MYO16: variants seen among roughly 807,000 people sequenced by gnomAD.
MYO16 encodes myosin XVI, also known as unconventional myosin-XVI.
MYO16 carries 94 observed loss-of-function variants against 205.3 expected under a neutral mutation model. That is an observed-to-expected ratio of 0.46 (90% CI 0.39 to 0.54). The LOEUF (loss-of-function observed/expected upper bound fraction) is 0.54, where lower values mean the gene tolerates loss of function less well. Among genes scored for constraint, MYO16 ranks in the 20% least tolerant of loss-of-function variants. The pLI is 0.00. For synonymous variants in MYO16, 988 were observed against 954.0 expected, an observed-to-expected ratio of 1.04 and a Z score of -0.66; for missense variants, 2,315 against 2,387.5, an observed-to-expected ratio of 0.97 and a Z score of 0.63.
intron 16 of MYO16, among the ~76,000 whole-genome samples, chr13:108,942,554 A>T (rs1314371279): frequency 1.3e-5 from 2 of 152,236 alleles, no homozygotes; most frequent in Non-Finnish European, 2.9e-5. Context: ...ATTAATAATT[A>T]AATGATCATT....
chr13:109,126,699 G>C (rs917559895), intron 30 of MYO16, among the ~76,000 whole-genome samples: 1 of 152,208 alleles, frequency 6.6e-6, no homozygotes, highest in African/African-American at 2.4e-5. Context: ...TGGAGTCAAG[G>C]AGGAGAAATA....
At chr13:109,037,988 T>C (rs1313091214) in intron 23 of MYO16, among the ~76,000 whole-genome samples, 1 of 151,170 alleles carries the variant, frequency 6.6e-6, no homozygotes, top group East Asian at 1.9e-4. Flanking sequence ...AATCTGTGAG[T>C]AGGGTAGAGG....
intron 29 of MYO16, among the ~76,000 whole-genome samples, chr13:109,121,486 C>G (rs1266551133): frequency 6.6e-6 from 1 of 152,224 alleles, no homozygotes; most frequent in Admixed American, 6.5e-5. Flanking sequence ...GCAACATCCT[C>G]CTTTGGCCGG....
intron 4 of MYO16, among the ~76,000 whole-genome samples, chr13:108,754,307 G>A (rs12161860): frequency 0.033 from 5,026 of 152,222 alleles, 246 homozygotes; most frequent in East Asian, 0.24. Context: ...TAGCATGCAG[G>A]ACAAGCTGTA....
At chr13:109,113,109 T>G (rs1875488823) in intron 28 of MYO16, among the ~76,000 whole-genome samples, 1 of 152,220 alleles carries the variant, frequency 6.6e-6, no homozygotes, top group Non-Finnish European at 1.5e-5. Flanking sequence ...ATTCCCACTT[T>G]GGATCAGAAA....
At position 109,125,752 on chromosome 13, in the gene MYO16, C is replaced by T. The variant is rs191787443; in HGVS notation, c.3782+394C>T. 6.1e-4 allele frequency among the ~76,000 whole-genome samples: 93 copies of T among 152,214 alleles called. No individual in the cohort carries two copies. The highest frequency in any genetic ancestry group is 2.1e-3 in the African/African-American group (87 of 41,530). ...CTTATAGAAACTTCTGGAAATCTGA[C>T]CCAAAAAATGGAGATACCACTCTGA... On this transcript the variant is annotated intron_variant, in intron 30 of 34. Coordinates refer to ENST00000457511, the MANE Select transcript of MYO16 (RefSeq NM_001198950.3). This position sits in a 1 kb window ranked among gnomAD's most constrained non-coding sequence, Gnocchi z 4.0.
intron 12 of MYO16, among the ~76,000 whole-genome samples, chr13:108,867,879 A>G (rs1233864503): frequency 1.3e-5 from 2 of 152,168 alleles, no homozygotes; most frequent in African/African-American, 4.8e-5. Context: ...TCCGCTTTGC[A>G]TGGTTGAACT....
chr13:108,691,246 C>G (rs1475002888), intron 2 of MYO16, among the ~76,000 whole-genome samples: 1 of 152,036 alleles, frequency 6.6e-6, no homozygotes, highest in Non-Finnish European at 1.5e-5. Flanking sequence ...GGTGCCACTT[C>G]ATTTACTTCA....
chr13:108,814,584 G>GCTTCTCTTT (rs1887392246), intron 7 of MYO16, among the ~76,000 whole-genome samples: 1 of 152,096 alleles, frequency 6.6e-6, no homozygotes, highest in Non-Finnish European at 1.5e-5. Context: ...TTTAAAGATA[G>GCTTCTCTTT]CTTCTCTTTC....
chr13:108,972,249 C>CTCTCTCTCTCTCTCTGTATA (rs1178345437), intron 20 of MYO16, among the ~76,000 whole-genome samples: 1 of 2,850 alleles, frequency 3.5e-4, no homozygotes, highest in Admixed American at 8.9e-3. Context: ...CTCTCTCTCT[C>CTCTCTCTCTCTCTCTGTATA]TATATATATA....
chr13:109,002,774 CTGAT>C (rs1253653696), intron 21 of MYO16, among the ~76,000 whole-genome samples: 1 of 152,194 alleles, frequency 6.6e-6, no homozygotes, highest in Non-Finnish European at 1.5e-5. Flanking sequence ...CTATCTTTCT[CTGAT>C]TGTGTTGAAC....
In MYO16 at chr13:109,101,102, G is replaced by A. The variant is rs577010501; in HGVS notation, c.3438+215G>A. ...GCCAACATGAGAGGAAATCTAACAGGCTCCCTTTACAACATGACAGAAGCT... is the reference window on the plus strand; with the variant it reads ...GCCAACATGAGAGGAAATCTAACAGACTCCCTTTACAACATGACAGAAGCT... On this transcript the variant is annotated intron_variant, in intron 28 of 34. Transcript: ENST00000457511. 4.6e-5 allele frequency among the ~76,000 whole-genome samples: 7 copies of A among 151,336 alleles called. No individual in the cohort carries two copies. In the East Asian group the frequency reaches 1.2e-3, roughly 25 times the overall value.
At chr13:108,848,190 T>G (rs909539717) in intron 10 of MYO16, among the ~76,000 whole-genome samples, 1 of 152,194 alleles carries the variant, frequency 6.6e-6, no homozygotes, top group Non-Finnish European at 1.5e-5. Context: ...TGACTGTATG[T>G]GACTGACTGG....
intron 1 of MYO16, among the ~76,000 whole-genome samples, chr13:108,661,832 C>T (rs1324677926): frequency 6.6e-6 from 1 of 152,068 alleles, no homozygotes; most frequent in African/African-American, 2.4e-5. Context: ...GATGAACTAA[C>T]GTGATTTTTT....
chr13:108,867,067 G>T (rs1344297938), intron 12 of MYO16, among the ~76,000 whole-genome samples: 3 of 152,012 alleles, frequency 2.0e-5, no homozygotes, highest in African/African-American at 7.3e-5. Context: ...ATTCTGGCTG[G>T]ACTCGGTGGT....
At chr13:108,737,206 G>A (rs892834462) in intron 4 of MYO16, among the ~76,000 whole-genome samples, 1 of 152,148 alleles carries the variant, frequency 6.6e-6, no homozygotes, top group African/African-American at 2.4e-5. Flanking sequence ...GGGCATCCCT[G>A]TCTTGTGCCA....
chr13:108,557,147 T>A, the MYO16 span, among the ~76,000 whole-genome samples: 2 of 152,216 alleles, frequency 1.3e-5, no homozygotes, highest in South Asian at 2.1e-4. Context: ...ATTTTAGGAT[T>A]GTGTTTTCTA....
intron 22 of MYO16, among the ~76,000 whole-genome samples, chr13:109,010,381 T>G (rs1186890125): frequency 6.6e-6 from 1 of 152,192 alleles, no homozygotes; most frequent in Non-Finnish European, 1.5e-5. Flanking sequence ...CCAGAAAACA[T>G]AACACACAAG....
the MYO16 span, among the ~76,000 whole-genome samples, chr13:108,532,702 C>T: frequency 1.3e-5 from 2 of 151,846 alleles, no homozygotes; most frequent in African/African-American, 4.8e-5. Flanking sequence ...GGGGCAGGAG[C>T]ATCACTTAAA....
Sources: allele counts gnomAD v4.1 joint callset (sites outside exome capture counted in the v4.1 genomes callset), GRCh38; gene constraint gnomAD v4.1.1; non-coding constraint Gnocchi (gnomAD v3.1); transcripts MANE v1.5; gene names NCBI Gene and HGNC (gene_info 2026-07-23, HGNC 2026-07-21).